HELB: variants seen among roughly 807,000 people sequenced by gnomAD.
HELB encodes the protein DNA helicase B.
A neutral mutation model predicts 101.7 loss-of-function variants in HELB; 96 were observed. That is an observed-to-expected ratio of 0.94 (90% CI 0.80 to 1.12). The LOEUF (loss-of-function observed/expected upper bound fraction) is 1.12. Ranked by LOEUF, HELB falls within the 50% of genes most tolerant of loss-of-function variation. The pLI is 0.00. For missense variants in HELB, 1,210 were observed against 1,291.9 expected (o/e 0.94, Z 0.97); for synonymous variants, 437 against 459.7 (o/e 0.95, Z 0.63).
downstream of HELB, chr12:66,339,418 A>C (rs1034079120): frequency 1.3e-5 from 2 of 152,096 alleles, no homozygotes; most frequent in Non-Finnish European, 2.9e-5. Flanking sequence ...TAGGATTACA[A>C]GTGTGAGCCA....
At chr12:66,321,379 G>C (rs1010645373) in intron 7 of HELB, 1 of 152,556 alleles carries the variant, frequency 6.6e-6, no homozygotes, top group African/African-American at 2.4e-5. Context: ...GTGGGGAGTA[G>C]AGCATTGTGT....
At position 66,302,717 on chromosome 12, in the gene HELB, G is replaced by A. The variant is rs2053419178; in HGVS notation, c.114G>A (p.Glu38=). 1 of 1,614,000 alleles carries A rather than the reference G, an allele frequency of 6.2e-7. No individual in the cohort carries two copies. The highest frequency in any genetic ancestry group is 1.3e-5 in the African/African-American group (1 of 74,934). ...YLNDDVEEDE[E]SVFIDAEELC... ...ACGACGACGTGGAGGAGGATGAAGA[G>A]TCCGTGTTCATCGACGCCGAGGAGC... Residue 38 remains glutamate (E), a synonymous_variant, in exon 1 of 13, where the codon GAG becomes GAA. Transcript: ENST00000247815.
At chr12:66,318,075 T>C (rs1402802034) in intron 6 of HELB, among the ~76,000 whole-genome samples, 3 of 151,716 alleles carry the variant, frequency 2.0e-5, no homozygotes, top group Non-Finnish European at 2.9e-5. Flanking sequence ...GTTGGGAAAG[T>C]GGGATTATAT....
At position 66,310,437 on chromosome 12, in the gene HELB, C is replaced by G; in HGVS notation, c.1509C>G (p.Ala503=). Residue 503 remains alanine (A), a synonymous_variant, in exon 4 of 13, where the codon GCC becomes GCG. Coordinates refer to ENST00000247815, the MANE Select transcript of HELB (RefSeq NM_001370285.1). ...TGGAAGAAAGAGAAGTAAAAAAAGCCTGTGAAGATTTTGAACAAGACCAGA... is the reference window on the plus strand; with the variant it reads ...TGGAAGAAAGAGAAGTAAAAAAAGCGTGTGAAGATTTTGAACAAGACCAGA... ...EQLEEREVKK[A]CEDFEQDQNA... 1.2e-6 allele frequency: 2 copies of G among 1,614,112 alleles called. 1 individual carries two copies. The highest frequency in any genetic ancestry group is 1.7e-6 in the Non-Finnish European group (2 of 1,180,038).
In HELB at chr12:66,322,781, C is replaced by T; in HGVS notation, c.2295C>T (p.Thr765=). Residue 765 remains threonine (T), a splice_region_variant and synonymous_variant, in exon 9 of 13, where the codon ACC becomes ACT. Coordinates refer to ENST00000247815, the MANE Select transcript of HELB (RefSeq NM_001370285.1). The part of the protein sequence containing the change: ...CCCKHYTGHL[T]KDHQSRLVFG... ...GCAAACACTACACAGGCCACCTCAC[C>T]AAGTGAGTGTCTTCGAGAACTGAAA... 1.3e-6 allele frequency: 2 copies of T among 1,599,932 alleles called. No individual in the cohort carries two copies. The highest frequency in any genetic ancestry group is 2.2e-5 in the East Asian group (1 of 44,632).
intron 4 of HELB, among the ~76,000 whole-genome samples, chr12:66,312,755 C>T (rs1052262228): frequency 2.6e-5 from 4 of 152,190 alleles, no homozygotes; most frequent in Admixed American, 2.0e-4. Context: ...ATTTATCATC[C>T]TTGGACTAGG....
At chr12:66,317,420 ACAT>A (rs1197744105) in intron 6 of HELB, among the ~76,000 whole-genome samples, 1 of 152,188 alleles carries the variant, frequency 6.6e-6, no homozygotes, top group Admixed American at 6.5e-5. Flanking sequence ...TCATATTAAG[ACAT>A]TAAGAAAACT....
In HELB at chr12:66,302,786, C is replaced by A; in HGVS notation, c.183C>A (p.Leu61=). ...GVKAGSLPGC[L]RVSICDENTQ... The stretch of plus-strand genomic sequence containing the variant: ...AGGCTGGCAGCCTCCCCGGGTGCCT[C>A]CGCGGTGAGGAAGGCGTCTGCCCGG... The change falls in exon 1 of 13, where the codon CTC becomes CTA. Residue 61 remains leucine, a synonymous_variant. Coordinates refer to ENST00000247815, the MANE Select transcript of HELB (RefSeq NM_001370285.1). 1 of 1,606,874 alleles carries A rather than the reference C, an allele frequency of 6.2e-7. No individual in the cohort carries two copies. The highest frequency in any genetic ancestry group is 1.1e-5 in the South Asian group (1 of 90,544).
In HELB at chr12:66,310,483, A is replaced by G. The variant is rs764560310; in HGVS notation, c.1555A>G (p.Thr519Ala). The change falls in exon 4 of 13, where the codon ACC (threonine) becomes GCC (alanine). Residue 519 changes from threonine (T) to alanine (A), a missense_variant. Coordinates refer to ENST00000247815, the MANE Select transcript of HELB (RefSeq NM_001370285.1). ...CCAGAATGCTTCAGAAGAATGGATTACCTTTACTGAGCAAAGTCAACTAGA... is the reference window on the plus strand; with the variant it reads ...CCAGAATGCTTCAGAAGAATGGATTGCCTTTACTGAGCAAAGTCAACTAGA... ...QDQNASEEWI[T>A]FTEQSQLEAD... 3 of 1,613,948 alleles carry G rather than the reference A, an allele frequency of 1.9e-6. No homozygotes were observed. Among genetic ancestry groups the G allele is most frequent in the South Asian group, 1.1e-5 (1 of 91,084 alleles).
Position 66,310,481 on chromosome 12 carries a change from T to A in HELB, c.1553T>A (p.Ile518Asn), listed in dbSNP as rs143713432. The change falls in exon 4 of 13, where the codon ATT (isoleucine) becomes AAT (asparagine). Residue 518 changes from isoleucine (I) to asparagine (N), a missense_variant. Transcript: ENST00000247815. ...EQDQNASEEW[I>N]TFTEQSQLEA... ...GACCAGAATGCTTCAGAAGAATGGA[T>A]TACCTTTACTGAGCAAAGTCAACTA... 17 of 1,614,062 alleles carry A rather than the reference T, an allele frequency of 1.1e-5. No homozygotes were observed. The African/African-American group carries it at 2.1e-4, about 20-fold the overall frequency.
rs150204776 is a variant in HELB at position 66,325,873 on chromosome 12, C to A, written c.2670+747C>A. ...GAGGCAACCTTTTATCCCCCCGCCC[C>A]CAACTTATGTGGGAATATTGTTAGG... is the stretch of plus-strand genomic sequence containing the variant. On this transcript the variant is annotated intron_variant, in intron 11 of 12. Coordinates refer to ENST00000247815, the MANE Select transcript of HELB (RefSeq NM_001370285.1). 1.9e-3 allele frequency among the ~76,000 whole-genome samples: 291 copies of A among 152,182 alleles called. 1 individual carries two copies. The highest frequency in any genetic ancestry group is 5.9e-3 in the African/African-American group (243 of 41,506).
In HELB at chr12:66,330,785, C is replaced by A. The variant is rs938899770; in HGVS notation, c.2671-369C>A. ...CTATATGTTTACCTATTACTGGCTA[C>A]TTAAAGTTTTCATATTTTGCCATTA... On this transcript the variant is annotated intron_variant, in intron 11 of 12. Transcript: ENST00000247815. Among the ~76,000 whole-genome samples the A allele has an allele frequency of 2.0e-5, 3 of 150,764 alleles. No individual in the cohort carries two copies. In the East Asian group the frequency reaches 5.8e-4, roughly 29 times the overall value.
chr12:66,326,580 A>G (rs2053740767), intron 11 of HELB, among the ~76,000 whole-genome samples: 1 of 151,816 alleles, frequency 6.6e-6, no homozygotes, highest in African/African-American at 2.4e-5. Flanking sequence ...GGTCAGCCCA[A>G]ATTTTCTACT....
At chr12:66,306,269 A>G (rs1016041905) in intron 2 of HELB, 76 bp from the exon 3 acceptor site, 19 of 1,175,520 alleles carry the variant, frequency 1.6e-5, no homozygotes, top group Admixed American at 8.5e-5. Flanking sequence ...GGTTGTGCAA[A>G]ATGAGAAAGT....
intron 3 of HELB, among the ~76,000 whole-genome samples, chr12:66,307,218 A>G (rs1468055208): frequency 6.6e-6 from 1 of 152,238 alleles, no homozygotes; most frequent in Non-Finnish European, 1.5e-5. Context: ...AAATACTGGA[A>G]TAAGGAATTT....
rs779611697 is a variant in HELB at position 66,314,177 on chromosome 12, T to C, written c.1858+14T>C. On this transcript the variant is annotated intron_variant, in intron 5 of 12. Transcript: ENST00000247815. ...TTATTATCCTTGGTAAGTTAAAATATTGTTGGAATTCTGATGTTTATTTCA... is the reference window on the plus strand; with the variant it reads ...TTATTATCCTTGGTAAGTTAAAATACTGTTGGAATTCTGATGTTTATTTCA... The C allele has an allele frequency of 1.2e-6, 2 of 1,606,036 alleles. No individual in the cohort carries two copies. Among genetic ancestry groups the C allele is most frequent in the South Asian group, 2.2e-5 (2 of 90,662 alleles).
chr12:66,324,271 T>C (rs1425498269), intron 10 of HELB, 60 bp downstream of exon 10: 13 of 1,154,058 alleles, frequency 1.1e-5, no homozygotes, highest in Admixed American at 7.1e-5. Context: ...GGTTATTTTA[T>C]TGTCCTAGGA....
intron 4 of HELB, among the ~76,000 whole-genome samples, chr12:66,312,073 C>G (rs956473501): frequency 2.0e-5 from 3 of 152,214 alleles, no homozygotes; most frequent in Non-Finnish European, 4.4e-5. Flanking sequence ...TTGGGTTAGA[C>G]AGTGAATTCG....
chr12:66,336,731 G>A (rs961758922), intron 12 of HELB, among the ~76,000 whole-genome samples: 1 of 152,172 alleles, frequency 6.6e-6, no homozygotes, highest in East Asian at 1.9e-4. Context: ...CAGCATGGCT[G>A]GAGCACAGGG....
Sources: allele counts gnomAD v4.1 joint callset (sites outside exome capture counted in the v4.1 genomes callset), GRCh38; gene constraint gnomAD v4.1.1; transcripts MANE v1.5; gene names NCBI Gene and HGNC (gene_info 2026-07-23, HGNC 2026-07-21).